Variants in FGGY observed in about 807,000 individuals in gnomAD.
FGGY encodes FGGY carbohydrate kinase domain-containing protein.
FGGY carries 72 observed loss-of-function variants against 71.3 expected under a neutral mutation model. The ratio of observed to expected loss-of-function variants is 1.01; its 90% CI spans 0.84 to 1.23. The LOEUF (loss-of-function observed/expected upper bound fraction) is 1.23. Ranked by LOEUF, FGGY falls within the 50% of genes most tolerant of loss-of-function variation. The probability of loss-of-function intolerance (pLI) is 0.00; values close to 1 mark genes in which losing one functional copy is unlikely to be tolerated. For synonymous variants in FGGY, 251 were observed against 250.3 expected, an observed-to-expected ratio of 1.00 and a Z score of -0.02; for missense variants, 668 against 682.3, an observed-to-expected ratio of 0.98 and a Z score of 0.23.
intron 9 of FGGY, among the ~76,000 whole-genome samples, chr1:59,619,617 C>T (rs552142418): frequency 4.6e-5 from 7 of 151,936 alleles, no homozygotes; most frequent in Admixed American, 1.3e-4. Flanking sequence ...ACAATGGATG[C>T]GGCAGAGTGA....
At chr1:59,640,641 C>T (rs2097015126) in intron 11 of FGGY, among the ~76,000 whole-genome samples, 2 of 142,262 alleles carry the variant, frequency 1.4e-5, no homozygotes, top group East Asian at 3.9e-4. Context: ...TCAGTATATG[C>T]TTATTTATAA....
chr1:59,611,413 C>A (rs1324388967), intron 9 of FGGY, among the ~76,000 whole-genome samples: 1 of 152,114 alleles, frequency 6.6e-6, no homozygotes, highest in Non-Finnish European at 1.5e-5. Flanking sequence ...CGCCAGCAAT[C>A]TCCAACAGAC....
chr1:59,760,938 C>A (rs2098336161), intron 15 of FGGY, among the ~76,000 whole-genome samples: 1 of 152,142 alleles, frequency 6.6e-6, no homozygotes, highest in Non-Finnish European at 1.5e-5. Flanking sequence ...AATAATTCTA[C>A]AACTAATAAA....
At chr1:59,683,482 C>T (rs558109090) in intron 14 of FGGY, among the ~76,000 whole-genome samples, 1 of 152,244 alleles carries the variant, frequency 6.6e-6, no homozygotes, top group South Asian at 2.1e-4. Flanking sequence ...AAACCCAGCT[C>T]CCCCCAAATC....
Position 59,638,333 on chromosome 1 carries a change from T to A in FGGY, c.1179T>A (p.His393Gln). ...TVDLHVWPDF[H>Q]GNRSPLADLT... ...ATTTACATGTTTGGCCAGATTTCCA[T>A]GGCAACCGGTCTCCCTTAGCAGATC... Residue 393 changes from histidine (H) to glutamine (Q), a missense_variant, in exon 11 of 16, where the codon CAT becomes CAA. His to Gln is a conservative substitution (Grantham distance 24). Around this residue, in one of 2 missense-constraint regions of FGGY, gnomAD observed 661 missense variants for 661.6 expected, o/e 1.00. Coordinates refer to ENST00000303721, the MANE Select transcript of FGGY (RefSeq NM_018291.5). 6.2e-7 allele frequency: 1 copy of A among 1,614,220 alleles called. No homozygotes were observed.
chr1:59,346,515 C>G lies in FGGY; in HGVS notation c.465+117C>G. 4 of 1,186,306 alleles carry G rather than the reference C, an allele frequency of 3.4e-6. No individual in the cohort carries two copies. The East Asian group carries it at 7.6e-5, about 22-fold the overall frequency. 73.5% of individuals were successfully genotyped at this position (1,186,306 alleles called of 1,614,324 possible). On this transcript the variant is annotated intron_variant, in intron 4 of 15. Coordinates refer to ENST00000303721, the MANE Select transcript of FGGY (RefSeq NM_018291.5). ...GGTTATGTTTGATTTTTCCCAGCAA[C>G]TAGGAGGAAGGTTGATCCCATTTTA...
rs369107749 is a variant in FGGY, at chr1:59,352,770, T to A, written c.465+6372T>A. The stretch of plus-strand genomic sequence containing the variant: ...TGTAACTTGAGAGGCTGGACGAAGC[T>A]AATTTTTAAAACCTTATTTGGCCTT... On this transcript the variant is annotated intron_variant, in intron 4 of 15. Transcript: ENST00000303721. 2.5e-4 allele frequency among the ~76,000 whole-genome samples: 38 copies of A among 152,364 alleles called. No homozygotes were observed. In the South Asian group the frequency reaches 7.9e-3, roughly 32 times the overall value.
chr1:59,413,273 G>C (rs2063867929), intron 5 of FGGY, among the ~76,000 whole-genome samples: 1 of 152,188 alleles, frequency 6.6e-6, no homozygotes, highest in Non-Finnish European at 1.5e-5. Flanking sequence ...CTTGGACTAG[G>C]AGCACTCTGA....
intron 8 of FGGY, among the ~76,000 whole-genome samples, chr1:59,556,903 G>A (rs1344741097): frequency 1.3e-5 from 2 of 152,184 alleles, no homozygotes; most frequent in East Asian, 3.9e-4. Flanking sequence ...GCCATAAAAG[G>A]CCAGTTTATG....
intron 7 of FGGY, among the ~76,000 whole-genome samples, chr1:59,524,260 C>A (rs1013513044): frequency 2.0e-5 from 3 of 152,194 alleles, no homozygotes; most frequent in African/African-American, 7.2e-5. Context: ...ACCTTGGGCG[C>A]CAACGAGCAT....
At chr1:59,636,825 TA>T (rs2096965109) in intron 10 of FGGY, among the ~76,000 whole-genome samples, 4 of 152,210 alleles carry the variant, frequency 2.6e-5, no homozygotes, top group Admixed American at 1.3e-4. Flanking sequence ...GCCTTCCTTC[TA>T]AAACACTTTT....
chr1:59,669,031 G>T (rs1188211230), intron 13 of FGGY, among the ~76,000 whole-genome samples: 3 of 148,790 alleles, frequency 2.0e-5, no homozygotes, highest in African/African-American at 7.4e-5. Flanking sequence ...TCTAAGGGCA[G>T]AACTATTGGG....
At chr1:59,391,674 TA>T (rs2060716013) in intron 5 of FGGY, among the ~76,000 whole-genome samples, 1 of 152,204 alleles carries the variant, frequency 6.6e-6, no homozygotes, top group Non-Finnish European at 1.5e-5. Flanking sequence ...TCCATTTCTA[TA>T]AAGCTTTTTC....
At chr1:59,550,124 G>A (rs1220568699) in intron 7 of FGGY, among the ~76,000 whole-genome samples, 1 of 152,126 alleles carries the variant, frequency 6.6e-6, no homozygotes, top group Admixed American at 6.5e-5. Context: ...TTCTTCATCT[G>A]CTAATTTTTC....
chr1:59,386,852 T>C (rs2153366950), intron 5 of FGGY, among the ~76,000 whole-genome samples: 1 of 152,240 alleles, frequency 6.6e-6, no homozygotes, highest in South Asian at 2.1e-4. Context: ...TTTCTATAAT[T>C]TTAGGTTTAT....
intron 7 of FGGY, among the ~76,000 whole-genome samples, chr1:59,519,505 C>T (rs935380991): frequency 5.3e-5 from 8 of 152,158 alleles, no homozygotes; most frequent in Admixed American, 4.6e-4. Context: ...GGAGTGATGT[C>T]CAGTAATCTA....
chr1:59,567,426 CAA>C (rs879287419), intron 8 of FGGY, among the ~76,000 whole-genome samples: 4 of 152,082 alleles, frequency 2.6e-5, no homozygotes, highest in African/African-American at 9.7e-5. Flanking sequence ...TGGCACCAGG[CAA>C]AGACTAAGCC....
chr1:59,403,919 T>A (rs1034498231), intron 5 of FGGY, among the ~76,000 whole-genome samples: 2 of 152,186 alleles, frequency 1.3e-5, no homozygotes, highest in African/African-American at 4.8e-5. Flanking sequence ...CCTCACAGGG[T>A]GGTTGTGAGA....
chr1:59,331,795 C>T (rs761712587), intron 2 of FGGY: 4 of 152,064 alleles, frequency 2.6e-5, no homozygotes, highest in African/African-American at 7.2e-5. Flanking sequence ...TGATTATTTT[C>T]GCTAAGGACT....
Sources: allele counts gnomAD v4.1 joint callset (sites outside exome capture counted in the v4.1 genomes callset), GRCh38; gene constraint gnomAD v4.1.1; regional missense constraint gnomAD v4.1.1; transcripts MANE v1.5; gene names NCBI Gene and HGNC (gene_info 2026-07-23, HGNC 2026-07-21).